Variants in PRELID2 observed in about 807,000 individuals in gnomAD.
The protein encoded by PRELID2 is PRELI domain containing 2.
Under a neutral mutation model 28.4 loss-of-function variants are expected in PRELID2, and 25 were observed. That is an observed-to-expected ratio of 0.88 (90% CI 0.64 to 1.23). The LOEUF (loss-of-function observed/expected upper bound fraction) is 1.23. PRELID2 is among the 50% of genes most tolerant of loss of function. PRELID2 has a pLI of 0.00. For synonymous variants in PRELID2, 76 were observed against 71.6 expected (o/e 1.06, Z -0.31); for missense variants, 201 against 214.4 (o/e 0.94, Z 0.39).
At chr5:145,464,398 T>C in the PRELID2 span, among the ~76,000 whole-genome samples, 1 of 152,224 alleles carries the variant, frequency 6.6e-6, no homozygotes, top group Non-Finnish European at 1.5e-5. Flanking sequence ...AGGACTCTGA[T>C]ACCACAAGAT....
chr5:145,766,244 A>T (rs1373181823), intron 5 of PRELID2, among the ~76,000 whole-genome samples: 2 of 152,188 alleles, frequency 1.3e-5, no homozygotes, highest in Non-Finnish European at 2.9e-5. Flanking sequence ...AGAGAAGAAT[A>T]ATGATAAGGG....
intron 1 of PRELID2, among the ~76,000 whole-genome samples, chr5:145,682,944 C>G (rs1754966950): frequency 6.6e-6 from 1 of 152,082 alleles, no homozygotes; most frequent in Admixed American, 6.6e-5. Context: ...ATGGGACTAG[C>G]AGGGGAGGAA....
chr5:145,380,287 G>A, the PRELID2 span, among the ~76,000 whole-genome samples: 1 of 152,260 alleles, frequency 6.6e-6, no homozygotes, highest in East Asian at 1.9e-4. Flanking sequence ...GTAGCCCCAT[G>A]CAGCATTCCC....
At chr5:145,589,370 C>T (rs6880648) in intron 1 of PRELID2, among the ~76,000 whole-genome samples, 10,356 of 152,026 alleles carry the variant, frequency 0.068, 551 homozygotes, top group Admixed American at 0.18. Context: ...GATATACATT[C>T]CCAAAAAGTA....
At chr5:145,742,912 A>C (rs1006312999) in intron 1 of PRELID2, among the ~76,000 whole-genome samples, 2 of 152,118 alleles carry the variant, frequency 1.3e-5, no homozygotes, top group African/African-American at 4.8e-5. Flanking sequence ...GTTATCACTA[A>C]AAACCAGGCA....
the PRELID2 span, among the ~76,000 whole-genome samples, chr5:145,257,290 A>G: frequency 1.3e-5 from 2 of 150,388 alleles, no homozygotes; most frequent in Admixed American, 6.6e-5. Flanking sequence ...TTGATTGTGA[A>G]GTAGAATATT....
chr5:145,478,522 G>C (rs967989054), intron 1 of PRELID2, among the ~76,000 whole-genome samples: 1 of 152,034 alleles, frequency 6.6e-6, no homozygotes, highest in Non-Finnish European at 1.5e-5. Context: ...TTACTCTCCA[G>C]CCTGGGCAAC....
At chr5:145,301,930 C>CTTTTTTTTTTTTTTTTTT in the PRELID2 span, among the ~76,000 whole-genome samples, 4 of 110,204 alleles carry the variant, frequency 3.6e-5, no homozygotes, top group Non-Finnish European at 3.6e-5. Context: ...TTATTCATTT[C>CTTTTTTTTTTTTTTTTTT]TTTTTTTTTT....
At chr5:145,678,286 C>G (rs1285057649) in intron 1 of PRELID2, among the ~76,000 whole-genome samples, 1 of 152,194 alleles carries the variant, frequency 6.6e-6, no homozygotes, top group Non-Finnish European at 1.5e-5. Flanking sequence ...ACCTCCCTGT[C>G]CCATGCCTTT....
At chr5:145,318,221 T>A in the PRELID2 span, among the ~76,000 whole-genome samples, 1 of 152,182 alleles carries the variant, frequency 6.6e-6, no homozygotes, top group Admixed American at 6.5e-5. Context: ...AAGGCTAACA[T>A]AGTGGTGCCT....
chr5:145,299,968 A>C, the PRELID2 span, among the ~76,000 whole-genome samples: 2 of 152,090 alleles, frequency 1.3e-5, no homozygotes, highest in African/African-American at 4.8e-5. Context: ...AGTATTTTTC[A>C]ACAGTAACAA....
intron 1 of PRELID2, among the ~76,000 whole-genome samples, chr5:145,707,118 C>T (rs919370074): frequency 2.7e-4 from 41 of 152,272 alleles, no homozygotes; most frequent in African/African-American, 8.4e-4. Context: ...CACTGTGATA[C>T]GATTATTTTT....
At chr5:145,636,273 ATCTG>A (rs770120596) in intron 1 of PRELID2, among the ~76,000 whole-genome samples, 5 of 152,146 alleles carry the variant, frequency 3.3e-5, no homozygotes, top group East Asian at 3.8e-4. Context: ...TCAAACACAA[ATCTG>A]TCTAACTCCA....
intron 1 of PRELID2, among the ~76,000 whole-genome samples, chr5:145,751,103 A>G (rs1226654367): frequency 6.6e-6 from 1 of 152,198 alleles, no homozygotes; most frequent in Admixed American, 6.5e-5. Flanking sequence ...TTTCCCAAAC[A>G]CATACACTAC....
chr5:145,320,596 C>T, the PRELID2 span, among the ~76,000 whole-genome samples: 1 of 152,148 alleles, frequency 6.6e-6, no homozygotes, highest in Non-Finnish European at 1.5e-5. Flanking sequence ...CATTTCCCTG[C>T]ACGCATCATA....
chr5:145,258,444 AC>A, the PRELID2 span, among the ~76,000 whole-genome samples: 1 of 152,182 alleles, frequency 6.6e-6, no homozygotes, highest in Non-Finnish European at 1.5e-5. Flanking sequence ...GAGGTATCAC[AC>A]GGAAATGAGA....
intron 1 of PRELID2, among the ~76,000 whole-genome samples, chr5:145,550,219 GT>G (rs1187696468): frequency 6.6e-6 from 1 of 152,176 alleles, no homozygotes; most frequent in Admixed American, 6.5e-5. Context: ...TAAACTCATG[GT>G]TTTCAATATA....
At chr5:145,298,568 C>T in the PRELID2 span, among the ~76,000 whole-genome samples, 4 of 152,128 alleles carry the variant, frequency 2.6e-5, no homozygotes, top group African/African-American at 9.7e-5. Context: ...GGTGGGATTA[C>T]TGCCATCATA....
At chr5:145,710,209 G>A (rs1755656631) in intron 1 of PRELID2, among the ~76,000 whole-genome samples, 1 of 151,958 alleles carries the variant, frequency 6.6e-6, no homozygotes, top group Non-Finnish European at 1.5e-5. Context: ...ACTTATCTCT[G>A]ATATACATAA....
Sources: gnomAD v4.1 joint callset for allele counts (sites outside exome capture counted in the v4.1 genomes callset) on GRCh38, gnomAD v4.1.1 for gene constraint, MANE v1.5 for transcripts, NCBI Gene and HGNC (gene_info 2026-07-23, HGNC 2026-07-21) for gene names.